EML5: variants seen among roughly 807,000 people sequenced by gnomAD.
EML5 encodes echinoderm microtubule-associated protein-like 5.
In EML5, 120 loss-of-function variants were observed where a neutral mutation model predicts 250.0. The observed-to-expected ratio is 0.48, with a 90% CI of 0.41 to 0.56. The LOEUF (loss-of-function observed/expected upper bound fraction) is 0.56, where lower values mean the gene tolerates loss of function less well. EML5 is among the 20% of genes least tolerant of loss of function. The pLI, the probability that EML5 is intolerant of heterozygous loss-of-function variation, is 0.00. For missense variants in EML5, 2,006 were observed against 2,437.6 expected (o/e 0.82, Z 3.73); for synonymous variants, 771 against 806.5 (o/e 0.96, Z 0.75).
chr14:88,660,616 G>A (rs1265390743), intron 25 of EML5, among the ~76,000 whole-genome samples: 5 of 151,906 alleles, frequency 3.3e-5, no homozygotes, highest in African/African-American at 9.7e-5. Context: ...GGTGGTGCGC[G>A]CCTGTAATCC....
At chr14:88,653,252 T>C (rs2091718596) in intron 27 of EML5, among the ~76,000 whole-genome samples, 1 of 152,222 alleles carries the variant, frequency 6.6e-6, no homozygotes, top group Non-Finnish European at 1.5e-5. Flanking sequence ...CAGAGACAAT[T>C]TGACTTCCTC....
chr14:88,766,443 G>A (rs561738053), intron 1 of EML5, among the ~76,000 whole-genome samples: 4 of 152,278 alleles, frequency 2.6e-5, no homozygotes, highest in Admixed American at 6.5e-5. Flanking sequence ...TACAGTTGTG[G>A]ATAAGGGATG....
chr14:88,662,948 A>T lies in EML5; in HGVS notation c.3498+83T>A. 4.1e-6 allele frequency: 4 copies of T among 974,028 alleles called. No individual in the cohort carries two copies. In the African/African-American group the frequency reaches 5.0e-5, roughly 12 times the overall value. 60.3% of individuals were successfully genotyped at this position (974,028 alleles called of 1,614,324 possible). ...TAATTTGAGAACAGACTTCACGTGT[A>T]ACTAAACGATAGAAAGTAGGTATCA... On this transcript the variant is annotated intron_variant, in intron 24 of 43. Transcript: ENST00000554922.
intron 20 of EML5, among the ~76,000 whole-genome samples, chr14:88,682,824 C>A (rs2092744969): frequency 6.6e-6 from 1 of 152,146 alleles, no homozygotes; most frequent in Admixed American, 6.5e-5. Flanking sequence ...CCTGGGGTAA[C>A]CCAGGAAAAG....
intron 1 of EML5, among the ~76,000 whole-genome samples, chr14:88,787,180 G>C (rs1455160118): frequency 6.6e-6 from 1 of 152,100 alleles, no homozygotes; most frequent in Non-Finnish European, 1.5e-5. Context: ...CAAAGACTTA[G>C]CTTAGGTATT....
At chr14:88,757,534 C>A (rs1020763028) in intron 1 of EML5, among the ~76,000 whole-genome samples, 2 of 151,756 alleles carry the variant, frequency 1.3e-5, no homozygotes, top group East Asian at 3.9e-4. Context: ...GTAATGCAAC[C>A]CAGAGAATGG....
chr14:88,732,442 A>C (rs1275979892), intron 7 of EML5, among the ~76,000 whole-genome samples: 1 of 152,206 alleles, frequency 6.6e-6, no homozygotes, highest in Non-Finnish European at 1.5e-5. Flanking sequence ...TTTTGGTACC[A>C]GTACCATGCT....
At chr14:88,706,109 G>T in intron 11 of EML5, 150 bp downstream of exon 11, 1 of 705,480 alleles carries the variant, frequency 1.4e-6, no homozygotes, top group Admixed American at 3.4e-5. Flanking sequence ...TAAACATATA[G>T]AACTAATATT....
chr14:88,705,086 T>C lies in EML5; in HGVS notation c.1933-108A>G, dbSNP rs550508399. On this transcript the variant is annotated intron_variant, in intron 12 of 43. Coordinates refer to ENST00000554922, the MANE Select transcript of EML5 (RefSeq NM_183387.3). ...CATTGTCTGAAAACAACAGCTTTAA[T>C]AGTAGTCTTAAATGAAAAGTTAATT... 5.8e-5 allele frequency: 41 copies of C among 702,052 alleles called. No individual in the cohort carries two copies. In the South Asian group the frequency reaches 9.6e-4, roughly 16 times the overall value. The allele number at this position is 702,052 out of a possible 1,614,324, so 43.5% of individuals were successfully genotyped here. A position where few individuals can be genotyped will look rare whatever the true frequency, so the allele number is the denominator to read the frequency against.
At chr14:88,635,231 G>A (rs1054137609) in intron 32 of EML5, among the ~76,000 whole-genome samples, 1 of 152,196 alleles carries the variant, frequency 6.6e-6, no homozygotes, top group Non-Finnish European at 1.5e-5. Context: ...ATATCCATAT[G>A]AAATAATGAT....
At chr14:88,736,989 G>T (rs2093850871) in intron 6 of EML5, among the ~76,000 whole-genome samples, 1 of 152,028 alleles carries the variant, frequency 6.6e-6, no homozygotes, top group Non-Finnish European at 1.5e-5. Context: ...GGGGGCAGGG[G>T]AGACTACCTG....
intron 9 of EML5, among the ~76,000 whole-genome samples, chr14:88,714,519 A>C (rs2093461037): frequency 6.6e-6 from 1 of 152,158 alleles, no homozygotes; most frequent in Non-Finnish European, 1.5e-5. Context: ...ATATACCTGA[A>C]ATTTGCTAAG....
At chr14:88,649,195 T>C (rs2091502289) in intron 28 of EML5, among the ~76,000 whole-genome samples, 1 of 152,028 alleles carries the variant, frequency 6.6e-6, no homozygotes, top group Admixed American at 6.6e-5. Context: ...ACCCAGCTAA[T>C]TTATTTTTAC....
chr14:88,698,036 C>A (rs1445633363), intron 14 of EML5, among the ~76,000 whole-genome samples: 1 of 152,052 alleles, frequency 6.6e-6, no homozygotes, highest in African/African-American at 2.4e-5. Context: ...CGCACCTGGC[C>A]GAGATTGATT....
At chr14:88,678,288 G>C (rs945692867) in intron 21 of EML5, among the ~76,000 whole-genome samples, 2 of 152,092 alleles carry the variant, frequency 1.3e-5, no homozygotes, top group African/African-American at 4.8e-5. Flanking sequence ...GCCTCTTGGG[G>C]GACAGGGAGG....
chr14:88,616,182 C>T lies in EML5; in HGVS notation c.5857G>A (p.Gly1953Ser), dbSNP rs1353926630. Residue 1953 changes from glycine (G) to serine (S), a missense_variant, in exon 43 of 44, where the codon GGT becomes AGT. By Grantham distance (56) the Gly-to-Ser change is moderately conservative (BLOSUM62 0). Around this residue, in one of 7 missense-constraint regions of EML5, gnomAD observed 56 missense variants for 55.1 expected, o/e 1.02. Coordinates refer to ENST00000554922, the MANE Select transcript of EML5 (RefSeq NM_183387.3). Reference sequence around the variant, plus strand: ...CCAGCACTAACAACATGTCGATCACCACTGGTAAATCGAATATTTGTCACA... The same window carrying T: ...CCAGCACTAACAACATGTCGATCACTACTGGTAAATCGAATATTTGTCACA... ...PHVTNIRFTS[G>S]DRHVVSAGGD... 3 of 1,613,912 alleles carry T rather than the reference C, an allele frequency of 1.9e-6. No homozygotes were observed. The highest frequency in any genetic ancestry group is 2.2e-5 in the South Asian group (2 of 91,072).
intron 24 of EML5, 48 bp downstream of exon 24, chr14:88,662,983 C>A: frequency 7.2e-7 from 1 of 1,396,466 alleles, no homozygotes; most frequent in Non-Finnish European, 9.7e-7. Flanking sequence ...AGTTTTCTAG[C>A]CACTTTTATT....
chr14:88,621,967 A>C (rs1273343801), intron 37 of EML5: 1 of 442,834 alleles, frequency 2.3e-6, no homozygotes, highest in African/African-American at 2.0e-5. Context: ...AGAATACTAA[A>C]ACATACTATT....
At chr14:88,626,776 G>A in intron 35 of EML5, 62 bp downstream of exon 35, 1 of 1,527,194 alleles carries the variant, frequency 6.5e-7, no homozygotes, top group Non-Finnish European at 9.0e-7. Context: ...TGTGGCTGAT[G>A]ATCTAAGGCA....
Sources: gnomAD v4.1 joint callset for allele counts (sites outside exome capture counted in the v4.1 genomes callset) on GRCh38, gnomAD v4.1.1 for gene constraint, gnomAD v4.1.1 regional missense constraint, MANE v1.5 for transcripts, NCBI Gene and HGNC (gene_info 2026-07-23, HGNC 2026-07-21) for gene names.